The following KCNH8 variants were observed in gnomAD, a reference collection of about 807,000 sequenced individuals.
KCNH8 encodes potassium voltage-gated channel subfamily H member 8, also known as voltage-gated delayed rectifier potassium channel KCNH8.
KCNH8 carries 70 observed loss-of-function variants against 103.6 expected under a neutral mutation model. The observed-to-expected ratio is 0.68, with a 90% confidence interval of 0.56 to 0.82. KCNH8 has a LOEUF of 0.82. Among genes scored for constraint, KCNH8 ranks in the 40% least tolerant of loss-of-function variants. The pLI, the probability that KCNH8 is intolerant of heterozygous loss-of-function variation, is 0.00. For missense variants in KCNH8, 1,217 were observed against 1,329.9 expected (o/e 0.92, Z 1.32); for synonymous variants, 498 against 489.4 (o/e 1.02, Z -0.23).
At chr3:19,236,739 G>A (rs909593191) in intron 1 of KCNH8, among the ~76,000 whole-genome samples, 2 of 151,984 alleles carry the variant, frequency 1.3e-5, no homozygotes, top group African/African-American at 4.8e-5. Context: ...TAGAACATGT[G>A]TAAATGAAGA....
chr3:19,501,568 G>C (rs1310302543), intron 11 of KCNH8, among the ~76,000 whole-genome samples: 19 of 152,148 alleles, frequency 1.2e-4, no homozygotes, highest in African/African-American at 4.1e-4. Context: ...CATCAAAAAC[G>C]TTATCCACCA....
Position 19,359,380 on chromosome 3 carries a change from TAGAG to T in KCNH8, c.811+11417_811+11420del, listed in dbSNP as rs10662449. On this transcript the variant is annotated intron_variant, in intron 5 of 15. Transcript: ENST00000328405. ...TGTTGTGTGTGCATGTGTATATACATAGAGAAAGAGAAACTTATTTTAGAAAATA... is the reference window on the plus strand; with the variant it reads ...TGTTGTGTGTGCATGTGTATATACATAAAGAGAAACTTATTTTAGAAAATA... Among the ~76,000 whole-genome samples, 5 of 151,472 alleles carry T rather than the reference TAGAG, an allele frequency of 3.3e-5. No individual in the cohort carries two copies. The East Asian group carries it at 7.8e-4, about 24-fold the overall frequency.
At chr3:19,275,628 AC>A (rs1454194696) in intron 2 of KCNH8, among the ~76,000 whole-genome samples, 24 of 152,146 alleles carry the variant, frequency 1.6e-4, no homozygotes, top group African/African-American at 5.8e-4. Context: ...AAGAACCATT[AC>A]TTTCATCTCT....
At chr3:19,306,810 G>T (rs2065136156) in intron 3 of KCNH8, among the ~76,000 whole-genome samples, 1 of 151,932 alleles carries the variant, frequency 6.6e-6, no homozygotes, top group Non-Finnish European at 1.5e-5. Flanking sequence ...ATCATATCAA[G>T]GATTAAATAG....
At chr3:19,378,706 T>G (rs542305411) in intron 5 of KCNH8, among the ~76,000 whole-genome samples, 5 of 152,272 alleles carry the variant, frequency 3.3e-5, no homozygotes, top group Non-Finnish European at 5.9e-5. Flanking sequence ...AAGAAAAAGG[T>G]GATATATTGG....
At chr3:19,316,374 T>C (rs181157415) in intron 3 of KCNH8, among the ~76,000 whole-genome samples, 1 of 152,058 alleles carries the variant, frequency 6.6e-6, no homozygotes, top group East Asian at 1.9e-4. Flanking sequence ...CTCCCCTGGT[T>C]GAGATACACT....
chr3:19,288,628 CATT>C, intron 3 of KCNH8, among the ~76,000 whole-genome samples: 1 of 152,226 alleles, frequency 6.6e-6, no homozygotes, highest in East Asian at 1.9e-4. Flanking sequence ...TCCAGTCTAT[CATT>C]GTTGGACATT....
rs146980423 is a variant in KCNH8, at chr3:19,304,258, C to T, written c.442+22929C>T. ...ATCACTCTATAGCAAAGAACAAATA[C>T]GACGCATTCCACACATGTGCTCAGA... On this transcript the variant is annotated intron_variant, in intron 3 of 15. Transcript: ENST00000328405. 9.2e-5 allele frequency among the ~76,000 whole-genome samples: 14 copies of T among 152,196 alleles called. No individual in the cohort carries two copies. The East Asian group carries it at 1.7e-3, about 19-fold the overall frequency.
At chr3:19,162,384 G>C (rs1482149574) in intron 1 of KCNH8, among the ~76,000 whole-genome samples, 3 of 151,348 alleles carry the variant, frequency 2.0e-5, no homozygotes, top group African/African-American at 7.3e-5. Context: ...AAGTATCTGG[G>C]CATGGTGGTG....
At chr3:19,343,476 C>G (rs1418897728) in intron 4 of KCNH8, among the ~76,000 whole-genome samples, 1 of 152,018 alleles carries the variant, frequency 6.6e-6, no homozygotes, top group Non-Finnish European at 1.5e-5. Flanking sequence ...GTTGTAGATA[C>G]TCAAAGTTTT....
At chr3:19,492,818 G>C (rs1412680812) in intron 11 of KCNH8, among the ~76,000 whole-genome samples, 1 of 148,786 alleles carries the variant, frequency 6.7e-6, no homozygotes, top group Non-Finnish European at 1.5e-5. Flanking sequence ...CCTTGAGCAT[G>C]GAATGTTTTT....
chr3:19,223,784 C>T (rs1014961542), intron 1 of KCNH8, among the ~76,000 whole-genome samples: 5 of 152,132 alleles, frequency 3.3e-5, no homozygotes, highest in Non-Finnish European at 5.9e-5. Flanking sequence ...ATCATTGACA[C>T]CACTTGCCAT....
At chr3:19,171,993 A>C (rs2063353465) in intron 1 of KCNH8, among the ~76,000 whole-genome samples, 1 of 152,116 alleles carries the variant, frequency 6.6e-6, no homozygotes, top group South Asian at 2.1e-4. Flanking sequence ...TCCCTTTCTC[A>C]ATCATGTAGG....
At chr3:19,333,727 A>G (rs893578638) in intron 3 of KCNH8, among the ~76,000 whole-genome samples, 18 of 152,234 alleles carry the variant, frequency 1.2e-4, no homozygotes, top group Non-Finnish European at 1.5e-5. Flanking sequence ...TGTAAACTTA[A>G]GAATGTGGAA....
chr3:19,383,998 A>C (rs561290694), intron 5 of KCNH8, among the ~76,000 whole-genome samples: 1 of 152,306 alleles, frequency 6.6e-6, no homozygotes, highest in East Asian at 1.9e-4. Flanking sequence ...GTCACACATC[A>C]CTGAAAAAGT....
At chr3:19,524,879 G>A (rs1219551080) in intron 15 of KCNH8, among the ~76,000 whole-genome samples, 1 of 151,890 alleles carries the variant, frequency 6.6e-6, no homozygotes, top group Admixed American at 6.6e-5. Flanking sequence ...CACCCCTCTT[G>A]ATAATAACAG....
intron 1 of KCNH8, among the ~76,000 whole-genome samples, chr3:19,237,580 A>G (rs1264340466): frequency 6.6e-6 from 1 of 152,248 alleles, no homozygotes; most frequent in Non-Finnish European, 1.5e-5. Flanking sequence ...AGTGATTTAC[A>G]GTAATCTGTA....
At chr3:19,438,544 G>A (rs1288325094) in intron 8 of KCNH8, among the ~76,000 whole-genome samples, 183 bp downstream of exon 8, 2 of 152,092 alleles carry the variant, frequency 1.3e-5, no homozygotes, top group African/African-American at 4.8e-5. Flanking sequence ...TGTAAAAAAG[G>A]ACTTGAGAGA....
chr3:19,535,525 C>T lies in KCNH8; in HGVS notation c.*1426C>T, dbSNP rs2069248292. 1 of 152,130 alleles carries T rather than the reference C, an allele frequency of 6.6e-6. No homozygotes were observed. Among genetic ancestry groups the T allele is most frequent in the Non-Finnish European group, 1.5e-5 (1 of 68,008 alleles). The allele number at this position is 152,130 out of a possible 1,614,324, so 9.4% of individuals were successfully genotyped here. A position where few individuals can be genotyped will look rare whatever the true frequency, so the allele number is the denominator to read the frequency against. On this transcript the variant is annotated 3_prime_UTR_variant, in exon 16 of 16. Transcript: ENST00000328405. Reference sequence around the variant, plus strand: ...CTTATTTTATGTTTTAGAACAGTTACAGTCTAATTGTCTTGGACATTTTGG... The same window carrying T: ...CTTATTTTATGTTTTAGAACAGTTATAGTCTAATTGTCTTGGACATTTTGG...
Sources: gnomAD v4.1 joint callset for allele counts (sites outside exome capture counted in the v4.1 genomes callset) on GRCh38, gnomAD v4.1.1 for gene constraint, MANE v1.5 for transcripts, NCBI Gene and HGNC (gene_info 2026-07-23, HGNC 2026-07-21) for gene names.